The following PAK5 variants were observed in gnomAD, a reference collection of about 807,000 sequenced individuals.
PAK5 encodes the protein serine/threonine-protein kinase PAK 5.
In PAK5, 16 loss-of-function variants were observed where a neutral mutation model predicts 65.9. That is an observed-to-expected ratio of 0.24 (90% confidence interval 0.16 to 0.37). PAK5 has a LOEUF of 0.37. Among genes scored for constraint, PAK5 ranks in the 10% least tolerant of loss-of-function variants. PAK5 has a pLI of 1.00. For synonymous variants in PAK5, 371 were observed against 354.9 expected (o/e 1.05, Z -0.51); for missense variants, 785 against 903.9 (o/e 0.87, Z 1.69).
chr20:9,786,160 T>C (rs1161034644), intron 1 of PAK5, among the ~76,000 whole-genome samples: 1 of 152,134 alleles, frequency 6.6e-6, no homozygotes, highest in African/African-American at 2.4e-5. Context: ...GGTATATTCA[T>C]TGAGTGTCCC....
intron 1 of PAK5, among the ~76,000 whole-genome samples, chr20:9,833,841 C>T (rs1037349735): frequency 3.3e-5 from 5 of 152,058 alleles, no homozygotes; most frequent in African/African-American, 1.2e-4. Flanking sequence ...TATAGCTTTC[C>T]ACAAAGACTT....
intron 3 of PAK5, among the ~76,000 whole-genome samples, chr20:9,633,911 G>A (rs2046953681): frequency 6.6e-6 from 1 of 152,164 alleles, no homozygotes; most frequent in Non-Finnish European, 1.5e-5. Context: ...CTTTAAAATG[G>A]TACATTCAAT....
At chr20:9,728,906 C>T (rs921184823) in intron 1 of PAK5, among the ~76,000 whole-genome samples, 1 of 152,034 alleles carries the variant, frequency 6.6e-6, no homozygotes, top group African/African-American at 2.4e-5. Context: ...TGGCTTACTA[C>T]AAAATAATGC....
rs138508400 is a variant in PAK5, at chr20:9,700,375, C to T, written c.-12+10911G>A. 1.7e-4 allele frequency among the ~76,000 whole-genome samples: 26 copies of T among 152,296 alleles called. No individual in the cohort carries two copies. The East Asian group carries it at 4.2e-3, about 25-fold the overall frequency. On this transcript the variant is annotated intron_variant, in intron 2 of 9. Transcript: ENST00000353224. Reference sequence around the variant, plus strand: ...GCAGTGAGCTGTGACTGTGCCACTGCACTCCAGCCTGGGTGACAGAGTGAG... The same window carrying T: ...GCAGTGAGCTGTGACTGTGCCACTGTACTCCAGCCTGGGTGACAGAGTGAG...
At chr20:9,615,824 G>A (rs1001039576) in intron 3 of PAK5, among the ~76,000 whole-genome samples, 6 of 152,218 alleles carry the variant, frequency 3.9e-5, no homozygotes, top group Non-Finnish European at 7.3e-5. Context: ...CACTCCCGTG[G>A]CCTGGCAGCG....
chr20:9,794,426 T>C (rs1175617064), intron 1 of PAK5, among the ~76,000 whole-genome samples: 1 of 152,032 alleles, frequency 6.6e-6, no homozygotes, highest in East Asian at 1.9e-4. Context: ...TCTCTCTGCA[T>C]AAGCAATAAA....
intron 1 of PAK5, among the ~76,000 whole-genome samples, chr20:9,712,043 T>G (rs2048083460): frequency 6.6e-6 from 1 of 152,150 alleles, no homozygotes; most frequent in Non-Finnish European, 1.5e-5. Context: ...AGCTTATGCC[T>G]CCACAAAGAT....
At chr20:9,634,210 C>T (rs532400453) in intron 3 of PAK5, among the ~76,000 whole-genome samples, 2 of 152,206 alleles carry the variant, frequency 1.3e-5, no homozygotes, top group African/African-American at 4.8e-5. Context: ...CAGGGAGCTG[C>T]AGGTGTGATA....
intron 3 of PAK5, among the ~76,000 whole-genome samples, chr20:9,586,672 G>T (rs150291016): frequency 0.011 from 1,694 of 152,038 alleles, 29 homozygotes; most frequent in African/African-American, 0.037. Context: ...AATTTCATAG[G>T]GATTTTTTGT....
In PAK5 at chr20:9,699,899, T is replaced by C. The variant is rs116768751; in HGVS notation, c.-12+11387A>G. ...TCATGCCTATGGCAAATGGGGATAC[T>C]TAAGAACCTCCTTCAAATTACTAAG... On this transcript the variant is annotated intron_variant, in intron 2 of 9. Transcript: ENST00000353224. 9.6e-3 allele frequency among the ~76,000 whole-genome samples: 1,462 copies of C among 152,274 alleles called. 22 individuals carry two copies. Among genetic ancestry groups the C allele is most frequent in the African/African-American group, 0.034 (1,392 of 41,546 alleles).
At chr20:9,649,572 G>C (rs2047176735) in intron 2 of PAK5, among the ~76,000 whole-genome samples, 1 of 152,180 alleles carries the variant, frequency 6.6e-6, no homozygotes, top group Non-Finnish European at 1.5e-5. Flanking sequence ...TAACTTAGTG[G>C]GTTGCCCTGC....
intron 1 of PAK5, among the ~76,000 whole-genome samples, chr20:9,728,345 A>T (rs949632916): frequency 6.6e-6 from 1 of 152,162 alleles, no homozygotes; most frequent in African/African-American, 2.4e-5. Context: ...ACTTTGTTAT[A>T]GTGCACAAAT....
intron 2 of PAK5, among the ~76,000 whole-genome samples, chr20:9,668,953 TCG>T (rs1181750223): frequency 6.6e-6 from 1 of 152,182 alleles, no homozygotes; most frequent in Non-Finnish European, 1.5e-5. Flanking sequence ...CATGGCATAT[TCG>T]AGAGATCTTT....
intron 9 of PAK5, among the ~76,000 whole-genome samples, chr20:9,541,362 C>T (rs994164017): frequency 2.6e-5 from 4 of 152,244 alleles, no homozygotes; most frequent in African/African-American, 9.6e-5. Flanking sequence ...GATGAAGCAT[C>T]ATTATTTTCT....
intron 1 of PAK5, among the ~76,000 whole-genome samples, chr20:9,776,008 A>T (rs1004111133): frequency 2.0e-5 from 3 of 152,256 alleles, no homozygotes; most frequent in Non-Finnish European, 4.4e-5. Context: ...TGTAGTAAAG[A>T]AATAGTGATT....
intron 3 of PAK5, among the ~76,000 whole-genome samples, chr20:9,590,081 G>A (rs2046139995): frequency 6.6e-6 from 1 of 151,728 alleles, no homozygotes; most frequent in African/African-American, 2.4e-5. Flanking sequence ...TCAAACTCCT[G>A]GGCTCAAGTT....
At chr20:9,548,159 A>T (rs1209962922) in intron 7 of PAK5, among the ~76,000 whole-genome samples, 1 of 152,100 alleles carries the variant, frequency 6.6e-6, no homozygotes, top group Non-Finnish European at 1.5e-5. Flanking sequence ...ATTCCTAGGG[A>T]CCAGGGCTGT....
rs73895966 is a variant in PAK5, at chr20:9,725,788, T to A, written c.-161-14353A>T. On this transcript the variant is annotated intron_variant, in intron 1 of 9. Coordinates refer to ENST00000353224, the MANE Select transcript of PAK5 (RefSeq NM_177990.4). ...TCAGTTTAAAGAGTATTAAAACTAG[T>A]CATTATATGAGTAAATTTTAAATGC... Among the ~76,000 whole-genome samples the A allele has an allele frequency of 8.6e-4, 131 of 152,260 alleles. 1 individual carries two copies. Among genetic ancestry groups the A allele is most frequent in the African/African-American group, 2.5e-3 (102 of 41,550 alleles).
intron 1 of PAK5, among the ~76,000 whole-genome samples, chr20:9,755,516 TA>T (rs2048623798): frequency 6.6e-6 from 1 of 152,150 alleles, no homozygotes; most frequent in Non-Finnish European, 1.5e-5. Flanking sequence ...CAAAGGTCTG[TA>T]AAGTTTATGC....
Sources: gnomAD v4.1 joint callset for allele counts (sites outside exome capture counted in the v4.1 genomes callset) on GRCh38, gnomAD v4.1.1 for gene constraint, MANE v1.5 for transcripts, NCBI Gene and HGNC (gene_info 2026-07-23, HGNC 2026-07-21) for gene names.